Variants in ZFYVE9 observed in about 807,000 individuals in gnomAD.
The protein encoded by ZFYVE9 is zinc finger FYVE-type containing 9, also known as zinc finger FYVE domain-containing protein 9.
ZFYVE9 carries 43 observed loss-of-function variants against 126.7 expected under a neutral mutation model. The ratio of observed to expected loss-of-function variants is 0.34; its 90% CI spans 0.27 to 0.44. ZFYVE9 has a LOEUF of 0.44. Among genes scored for constraint, ZFYVE9 ranks in the 20% least tolerant of loss-of-function variants. The pLI, the probability that ZFYVE9 is intolerant of heterozygous loss-of-function variation, is 1.00. For synonymous variants in ZFYVE9, 521 were observed against 597.4 expected (o/e 0.87, Z 1.87); for missense variants, 1,476 against 1,697.0 (o/e 0.87, Z 2.29).
chr1:52,168,498 T>A (rs980879308), intron 1 of ZFYVE9, among the ~76,000 whole-genome samples: 10 of 151,344 alleles, frequency 6.6e-5, no homozygotes, highest in African/African-American at 1.9e-4. Context: ...ATTACAGGCG[T>A]GAGCCACTGT....
chr1:52,167,707 A>G (rs552991009), intron 1 of ZFYVE9, among the ~76,000 whole-genome samples: 6 of 152,130 alleles, frequency 3.9e-5, no homozygotes, highest in Non-Finnish European at 8.8e-5. Context: ...TGTGAAGCCA[A>G]TCAAGAGTAC....
chr1:52,239,085 A>G lies in ZFYVE9; in HGVS notation c.1668A>G (p.Ser556=), dbSNP rs1355557736. The G allele has an allele frequency of 6.2e-7, 1 of 1,614,148 alleles. No homozygotes were observed. The highest frequency in any genetic ancestry group is 1.1e-5 in the South Asian group (1 of 91,090). Residue 556 remains serine (S), a synonymous_variant, in exon 4 of 19, where the codon TCA becomes TCG. Coordinates refer to ENST00000287727, the MANE Select transcript of ZFYVE9 (RefSeq NM_004799.4). The stretch of plus-strand genomic sequence containing the variant: ...ATAATTTCTGTAGTCAAGTTCCATC[A>G]GTGCTTGGGCAATCTTCCCCCAAGG... The part of the protein sequence containing the change: ...YLHNFCSQVP[S]VLGQSSPKVV...
At chr1:52,179,701 A>AG in intron 1 of ZFYVE9, 1 of 333,004 alleles carries the variant, frequency 3.0e-6, no homozygotes, top group Non-Finnish European at 5.6e-6. Context: ...AAAGAAAAGA[A>AG]GAGGAAAATC....
At chr1:52,301,466 C>G (rs530484085) in intron 12 of ZFYVE9, among the ~76,000 whole-genome samples, 1 of 151,880 alleles carries the variant, frequency 6.6e-6, no homozygotes, top group Non-Finnish European at 1.5e-5. Context: ...CTATGCCCAG[C>G]TAATTTTGTT....
chr1:52,151,856 G>C (rs1644359663), intron 1 of ZFYVE9, among the ~76,000 whole-genome samples: 3 of 152,128 alleles, frequency 2.0e-5, no homozygotes, highest in Admixed American at 2.0e-4. Flanking sequence ...GGAGCAAGGA[G>C]ATGTTCTTTA....
At chr1:52,284,987 A>G (rs1645844204) in intron 10 of ZFYVE9, among the ~76,000 whole-genome samples, 1 of 152,206 alleles carries the variant, frequency 6.6e-6, no homozygotes, top group Non-Finnish European at 1.5e-5. Context: ...ATCATTTCAC[A>G]ACTCATCAAA....
chr1:52,341,206 G>A (rs1223876563), intron 17 of ZFYVE9, among the ~76,000 whole-genome samples: 1 of 152,244 alleles, frequency 6.6e-6, no homozygotes, highest in Non-Finnish European at 1.5e-5. Flanking sequence ...GGCAACAAGA[G>A]CGAAACTCCG....
intron 1 of ZFYVE9, among the ~76,000 whole-genome samples, chr1:52,171,175 C>T (rs534245889): frequency 1.4e-4 from 22 of 152,062 alleles, no homozygotes; most frequent in African/African-American, 4.8e-4. Context: ...CAACAGTCCC[C>T]AGAGTGTGAT....
intron 5 of ZFYVE9, 93 bp downstream of exon 5, chr1:52,263,965 G>A (rs2147797869): frequency 3.1e-6 from 2 of 654,702 alleles, no homozygotes; most frequent in South Asian, 5.9e-5. Flanking sequence ...TTCTTTACAA[G>A]TTGCTCACCT....
chr1:52,180,023 T>C, intron 1 of ZFYVE9: 1 of 854,046 alleles, frequency 1.2e-6, no homozygotes. Context: ...AAGACAAGTT[T>C]AATGAGGAGG....
At chr1:52,343,089 G>GT (rs1312724704) in intron 17 of ZFYVE9, among the ~76,000 whole-genome samples, 1 of 150,928 alleles carries the variant, frequency 6.6e-6, no homozygotes, top group East Asian at 2.0e-4. Flanking sequence ...TTTGTTTTTT[G>GT]TTTTTTGTAT....
intron 1 of ZFYVE9, among the ~76,000 whole-genome samples, chr1:52,148,682 C>CAA (rs1644326312): frequency 6.7e-6 from 1 of 150,304 alleles, no homozygotes; most frequent in Non-Finnish European, 1.5e-5. Context: ...TGCTCTGTTG[C>CAA]CCAGGCTGGA....
At chr1:52,221,846 A>G (rs1235499841) in intron 2 of ZFYVE9, among the ~76,000 whole-genome samples, 1 of 152,182 alleles carries the variant, frequency 6.6e-6, no homozygotes, top group Non-Finnish European at 1.5e-5. Flanking sequence ...GATGGGGTCC[A>G]GAGGAGGGTT....
intron 10 of ZFYVE9, among the ~76,000 whole-genome samples, chr1:52,291,298 A>C (rs1645917399): frequency 1.3e-5 from 2 of 152,238 alleles, no homozygotes; most frequent in South Asian, 4.1e-4. Flanking sequence ...GCTAAAATCA[A>C]GGATGCAAAG....
intron 1 of ZFYVE9, among the ~76,000 whole-genome samples, chr1:52,213,666 T>C (rs1645047357): frequency 6.6e-6 from 1 of 151,330 alleles, no homozygotes; most frequent in Non-Finnish European, 1.5e-5. Flanking sequence ...AAAAAGAGGA[T>C]TTATTGACCC....
intron 1 of ZFYVE9, among the ~76,000 whole-genome samples, chr1:52,155,584 C>G (rs1320881885): frequency 6.6e-6 from 1 of 152,132 alleles, no homozygotes; most frequent in Admixed American, 6.5e-5. Context: ...CTCTAGGGGC[C>G]TGCATTTTGA....
At chr1:52,198,429 T>A (rs1330530652) in intron 1 of ZFYVE9, among the ~76,000 whole-genome samples, 1 of 152,148 alleles carries the variant, frequency 6.6e-6, no homozygotes, top group Non-Finnish European at 1.5e-5. Context: ...AATTTGAGCA[T>A]GGATTTGTTT....
chr1:52,219,312 A>T (rs1645100857), intron 2 of ZFYVE9, among the ~76,000 whole-genome samples: 1 of 152,120 alleles, frequency 6.6e-6, no homozygotes, highest in African/African-American at 2.4e-5. Flanking sequence ...CTAAAGGAAG[A>T]ATAAAAAGAC....
intron 13 of ZFYVE9, among the ~76,000 whole-genome samples, chr1:52,318,164 C>T (rs1017843646): frequency 6.6e-6 from 1 of 152,048 alleles, no homozygotes; most frequent in Non-Finnish European, 1.5e-5. Context: ...TTAGTAAATC[C>T]ACTCTAACAA....
Sources: allele counts gnomAD v4.1 joint callset (sites outside exome capture counted in the v4.1 genomes callset), GRCh38; gene constraint gnomAD v4.1.1; transcripts MANE v1.5; gene names NCBI Gene and HGNC (gene_info 2026-07-23, HGNC 2026-07-21).